The following DCHS2 variants were observed in gnomAD, a reference collection of about 807,000 sequenced individuals.
The protein encoded by DCHS2 is protocadherin-23.
DCHS2 carries 142 observed loss-of-function variants against 182.4 expected under a neutral mutation model. The ratio of observed to expected loss-of-function variants is 0.78; its 90% CI spans 0.68 to 0.89. DCHS2 has a LOEUF of 0.89. Ranked by LOEUF, DCHS2 falls within the 40% of genes least tolerant of loss-of-function variation. The probability of loss-of-function intolerance (pLI) is 0.00; values close to 1 mark genes in which losing one functional copy is unlikely to be tolerated. For synonymous variants in DCHS2, 1,740 were observed against 1,663.3 expected, an observed-to-expected ratio of 1.05 and a Z score of -1.12; for missense variants, 4,319 against 4,198.6, an observed-to-expected ratio of 1.03 and a Z score of -0.79.
At chr4:154,239,477 A>G (rs1452906858) in intron 18 of DCHS2, among the ~76,000 whole-genome samples, 175 bp from the exon 19 acceptor site, 1 of 152,180 alleles carries the variant, frequency 6.6e-6, no homozygotes, top group Admixed American at 6.5e-5. Context: ...AGATTGTGTG[A>G]ATAGTCCCTG....
At chr4:154,360,873 C>T (rs1309736462) in intron 3 of DCHS2, among the ~76,000 whole-genome samples, 1 of 151,992 alleles carries the variant, frequency 6.6e-6, no homozygotes, top group Non-Finnish European at 1.5e-5. Context: ...TTGTGTACAC[C>T]ACAACTAAAC....
intron 10 of DCHS2, among the ~76,000 whole-genome samples, chr4:154,314,600 A>G (rs909377249): frequency 8.5e-5 from 13 of 152,250 alleles, no homozygotes. Flanking sequence ...CAAATATTTT[A>G]TAATTTACTT....
Position 154,315,967 on chromosome 4 carries a change from G to T in DCHS2, c.5041C>A (p.Pro1681Thr), listed in dbSNP as rs1041517510. 6.2e-7 allele frequency: 1 copy of T among 1,614,006 alleles called. No individual in the cohort carries two copies. The highest frequency in any genetic ancestry group is 8.5e-7 in the Non-Finnish European group (1 of 1,179,978). Residue 1681 changes from proline to threonine, a missense_variant, in exon 10 of 20, where the codon CCT becomes ACT. Physicochemically the swap from Pro to Thr is conservative, Grantham distance 38. Coordinates refer to ENST00000357232, the MANE Select transcript of DCHS2 (RefSeq NM_001358235.2). ...ESSGLLTTTC[P>T]LDYEMKTQHI... ...TGAGTTTTCATTTCATAATCCAAAG[G>T]ACAGGTTGTGGTTAGTAAGCCTGTT...
chr4:154,268,488 T>C (rs2111198909), intron 14 of DCHS2, among the ~76,000 whole-genome samples: 1 of 152,262 alleles, frequency 6.6e-6, no homozygotes, highest in South Asian at 2.1e-4. Context: ...TAATGTGAGA[T>C]TTCATCACAC....
chr4:154,259,927 A>G (rs1374131165), intron 14 of DCHS2, among the ~76,000 whole-genome samples, 171 bp from the exon 15 acceptor site: 2 of 152,080 alleles, frequency 1.3e-5, no homozygotes, highest in East Asian at 1.9e-4. Flanking sequence ...GGTTCAAGCG[A>G]TTCTCCTGCC....
chr4:154,313,244 C>T (rs560114516), intron 10 of DCHS2, among the ~76,000 whole-genome samples: 16 of 152,250 alleles, frequency 1.1e-4, no homozygotes, highest in Admixed American at 3.3e-4. Context: ...AACAATGGCG[C>T]TCTTGTTGAT....
chr4:154,474,793 T>C (rs1224000461), intron 1 of DCHS2, among the ~76,000 whole-genome samples: 2 of 152,112 alleles, frequency 1.3e-5, no homozygotes, highest in African/African-American at 4.8e-5. Context: ...CCATGCAGGG[T>C]GTTGTGAAAA....
At chr4:154,487,626 C>A (rs1456461278) in intron 1 of DCHS2, among the ~76,000 whole-genome samples, 1 of 152,150 alleles carries the variant, frequency 6.6e-6, no homozygotes, top group African/African-American at 2.4e-5. Context: ...AGTCATGAAA[C>A]CCACTTTTAC....
chr4:154,386,065 G>C (rs760861006), intron 1 of DCHS2, among the ~76,000 whole-genome samples: 7 of 152,018 alleles, frequency 4.6e-5, no homozygotes, highest in Admixed American at 6.6e-5. Context: ...CCCACAGTCT[G>C]CTACCCTCCC....
rs780435822 is a variant in DCHS2 at position 154,235,044 on chromosome 4, T to C, written c.9608A>G (p.Glu3203Gly). 2.5e-6 allele frequency: 4 copies of C among 1,613,988 alleles called. No homozygotes were observed. The highest frequency in any genetic ancestry group is 3.3e-5 in the Admixed American group (2 of 60,004). Residue 3203 changes from glutamate to glycine, a missense_variant, in exon 20 of 20, where the codon GAG becomes GGG. Physicochemically the swap from Glu to Gly is moderately conservative, Grantham distance 98. Transcript: ENST00000357232. ...CTGATCACCTGAAATAAAGACAGACTCTTTTCTAACGTCAGCCAGGATGCT... is the reference window on the plus strand; with the variant it reads ...CTGATCACCTGAAATAAAGACAGACCCTTTTCTAACGTCAGCCAGGATGCT... ...KESILADVRK[E>G]SVFISGDQEV... is the part of the protein sequence containing the mutation.
chr4:154,253,188 A>AGT (rs200352701), intron 16 of DCHS2, among the ~76,000 whole-genome samples: 31 of 147,586 alleles, frequency 2.1e-4, no homozygotes, highest in African/African-American at 7.8e-4. Flanking sequence ...AGAGAGAGAG[A>AGT]GAGAGTGTGT....
chr4:154,333,016 T>A lies in DCHS2; in HGVS notation c.3192A>T (p.Ala1064=), dbSNP rs376744304. ...TAACGACTGTCAGCACCAGCAGGGC[T>A]GCCTGAGGATGCACGCCTTGGTCCT... The part of the protein sequence containing the change: ...RAEDQGVHPQ[A]ALLVLTVVIE... The change falls in exon 5 of 20, where the codon GCA becomes GCT. Residue 1064 remains alanine, a synonymous_variant. Transcript: ENST00000357232. The A allele has an allele frequency of 1.5e-5, 25 of 1,614,052 alleles. No individual in the cohort carries two copies. The African/African-American group carries it at 2.5e-4, about 16-fold the overall frequency.
chr4:154,238,264 C>T (rs1367164452), intron 19 of DCHS2, among the ~76,000 whole-genome samples: 2 of 152,284 alleles, frequency 1.3e-5, no homozygotes, highest in East Asian at 1.9e-4. Flanking sequence ...TGATACAGGA[C>T]GTACTTCTCC....
chr4:154,374,686 C>T (rs1282243047), intron 2 of DCHS2, among the ~76,000 whole-genome samples: 3 of 151,804 alleles, frequency 2.0e-5, no homozygotes, highest in African/African-American at 7.3e-5. Context: ...CATTTTTTCC[C>T]CAAAATTCAC....
chr4:154,254,432 T>C (rs1006968221), intron 16 of DCHS2, among the ~76,000 whole-genome samples: 3 of 152,248 alleles, frequency 2.0e-5, no homozygotes, highest in Admixed American at 1.3e-4. Context: ...CACATAGAGT[T>C]ATGCCTCTTT....
At chr4:154,257,480 G>A (rs543505753) in intron 15 of DCHS2, among the ~76,000 whole-genome samples, 3 of 152,268 alleles carry the variant, frequency 2.0e-5, no homozygotes, top group Non-Finnish European at 2.9e-5. Flanking sequence ...TCCCTTCACC[G>A]AAGATTCAAA....
At chr4:154,308,903 T>C (rs531206119) in intron 10 of DCHS2, among the ~76,000 whole-genome samples, 5 of 152,276 alleles carry the variant, frequency 3.3e-5, no homozygotes, top group Admixed American at 3.3e-4. Context: ...TGAGTTGCCT[T>C]GATATAACCG....
At chr4:154,351,818 G>A (rs182919699) in intron 3 of DCHS2, among the ~76,000 whole-genome samples, 174 of 152,214 alleles carry the variant, frequency 1.1e-3, no homozygotes, top group African/African-American at 3.9e-3. Context: ...GTAGAGCTCC[G>A]GCGGTAATGC....
chr4:154,232,519 A>ATAAC lies in DCHS2; in HGVS notation c.*2013_*2016dup, dbSNP rs768812185. ...ACTAACTTAGGGAATAGGTAGATGA[A>ATAAC]TAACTCTTTTTAAGCATAAGTAAAT... is the stretch of plus-strand genomic sequence containing the variant. On this transcript the variant is annotated 3_prime_UTR_variant, in exon 20 of 20. Transcript: ENST00000357232. 4.6e-5 allele frequency: 7 copies of ATAAC among 152,216 alleles called. No individual in the cohort carries two copies. The highest frequency in any genetic ancestry group is 1.0e-4 in the Non-Finnish European group (7 of 68,020). The allele number at this position is 152,216 out of a possible 1,614,324, so 9.4% of individuals were successfully genotyped here.
Sources: allele counts gnomAD v4.1 joint callset (sites outside exome capture counted in the v4.1 genomes callset), GRCh38; gene constraint gnomAD v4.1.1; transcripts MANE v1.5; gene names NCBI Gene and HGNC (gene_info 2026-07-23, HGNC 2026-07-21).